The following NPEPPS variants were observed in gnomAD, a reference collection of about 807,000 sequenced individuals.
NPEPPS encodes puromycin-sensitive aminopeptidase.
Under a neutral mutation model 115.5 loss-of-function variants are expected in NPEPPS, and 14 were observed. The observed-to-expected ratio is 0.12, with a 90% CI of 0.08 to 0.19. The LOEUF is 0.19. Ranked by LOEUF, NPEPPS falls within the 10% of genes least tolerant of loss-of-function variation. NPEPPS has a pLI of 1.00. For missense variants in NPEPPS, 523 were observed against 1,110.8 expected, an observed-to-expected ratio of 0.47 and a Z score of 7.52; for synonymous variants, 285 against 390.6, an observed-to-expected ratio of 0.73 and a Z score of 3.19.
At position 47,536,887 on chromosome 17, in the gene NPEPPS, A is replaced by G. The variant is rs536131582; in HGVS notation, c.255+5332A>G. On this transcript the variant is annotated intron_variant, in intron 1 of 22. Coordinates refer to ENST00000322157, the MANE Select transcript of NPEPPS (RefSeq NM_006310.4). ...CCACCAAGCCCAGCTAATTTTTTGTATTTTTAGTAGAGAGATGGTTTCATC... is the reference window on the plus strand; with the variant it reads ...CCACCAAGCCCAGCTAATTTTTTGTGTTTTTAGTAGAGAGATGGTTTCATC... Among the ~76,000 whole-genome samples, 12 of 149,672 alleles carry G rather than the reference A, an allele frequency of 8.0e-5. No homozygotes were observed. The South Asian group carries it at 2.3e-3, about 29-fold the overall frequency.
At chr17:47,552,768 A>G (rs1189350037) in intron 2 of NPEPPS, among the ~76,000 whole-genome samples, 1 of 152,306 alleles carries the variant, frequency 6.6e-6, no homozygotes, top group South Asian at 2.1e-4. Flanking sequence ...TGCCTAACCA[A>G]GTGAAACATT....
intron 3 of NPEPPS, among the ~76,000 whole-genome samples, chr17:47,576,344 TAGTC>T (rs1278317633): frequency 6.6e-6 from 1 of 152,068 alleles, no homozygotes; most frequent in African/African-American, 2.4e-5. Context: ...AAACAAAAAT[TAGTC>T]AGGCCTGGTG....
chr17:47,547,642 G>A (rs1027452139), intron 2 of NPEPPS, among the ~76,000 whole-genome samples: 6 of 152,106 alleles, frequency 3.9e-5, no homozygotes, highest in Non-Finnish European at 8.8e-5. Flanking sequence ...TACAGCAAGA[G>A]CCACCACACC....
chr17:47,529,763 A>G (rs1907600941), upstream of NPEPPS, among the ~76,000 whole-genome samples: 1 of 68,114 alleles, frequency 1.5e-5, no homozygotes, highest in African/African-American at 4.3e-5. Context: ...ATATATATAT[A>G]TATGCATTTG....
intron 15 of NPEPPS, chr17:47,601,972 AG>A: frequency 6.3e-6 from 3 of 474,694 alleles, no homozygotes; most frequent in African/African-American, 2.1e-5. Flanking sequence ...AAGGAGGAGA[AG>A]AAAAAAAAAA....
chr17:47,562,306 C>G (rs1450907618), intron 2 of NPEPPS, among the ~76,000 whole-genome samples: 1 of 152,200 alleles, frequency 6.6e-6, no homozygotes, highest in African/African-American at 2.4e-5. Flanking sequence ...AGCCCTCTCT[C>G]AGCCTGTGGG....
At chr17:47,602,909 TATAA>T (rs1331262393) in intron 15 of NPEPPS, among the ~76,000 whole-genome samples, 1 of 152,066 alleles carries the variant, frequency 6.6e-6, no homozygotes, top group Non-Finnish European at 1.5e-5. Context: ...AAAAATTTCT[TATAA>T]ATGAGAAAAA....
intron 16 of NPEPPS, among the ~76,000 whole-genome samples, chr17:47,604,805 CTG>C (rs750026775): frequency 3.9e-5 from 6 of 152,196 alleles, no homozygotes; most frequent in Non-Finnish European, 5.9e-5. Flanking sequence ...TTTCCTAACT[CTG>C]TTAGTTCTGA....
At position 47,550,329 on chromosome 17, in the gene NPEPPS, GTT is replaced by G. The variant is rs1198481590; in HGVS notation, c.340+4351_340+4352del. On this transcript the variant is annotated intron_variant, in intron 2 of 22. Coordinates refer to ENST00000322157, the MANE Select transcript of NPEPPS (RefSeq NM_006310.4). ...TTGAAAGACCTATGGGCATGTGTGT[GTT>G]TTTTTTTTTTTTTTGAGATGGAGTC... Among the ~76,000 whole-genome samples, 7 of 95,802 alleles carry G rather than the reference GTT, an allele frequency of 7.3e-5. No individual in the cohort carries two copies. The East Asian group carries it at 8.9e-4, about 12-fold the overall frequency. The allele number at this position is 95,802 out of a possible 152,430, so 62.8% of individuals were successfully genotyped here.
intron 20 of NPEPPS, 136 bp from the exon 21 acceptor site, chr17:47,618,873 T>C (rs752364902): frequency 8.8e-5 from 69 of 781,036 alleles, no homozygotes; most frequent in Non-Finnish European, 1.1e-4. Flanking sequence ...TGCTGAGAAC[T>C]TCTGGTTCCA....
intron 14 of NPEPPS, 108 bp downstream of exon 14, chr17:47,599,847 T>A: frequency 1.1e-6 from 1 of 893,554 alleles, no homozygotes; most frequent in Admixed American, 2.3e-5. Context: ...TTGAGGAGTC[T>A]CACTCTGTCG....
intron 12 of NPEPPS, among the ~76,000 whole-genome samples, chr17:47,594,409 ATTCT>A (rs1334784012): frequency 7.4e-6 from 1 of 135,092 alleles, no homozygotes; most frequent in Non-Finnish European, 1.6e-5. Flanking sequence ...ATTCTTTTCA[ATTCT>A]TTTTTTTTTT....
At chr17:47,540,745 A>G (rs1009066660) in intron 1 of NPEPPS, among the ~76,000 whole-genome samples, 15 of 152,364 alleles carry the variant, frequency 9.8e-5, no homozygotes, top group South Asian at 6.2e-4. Context: ...ATGTCTTAAC[A>G]TCTATTAAGT....
At chr17:47,565,674 G>A (rs1910764853) in intron 2 of NPEPPS, among the ~76,000 whole-genome samples, 1 of 151,918 alleles carries the variant, frequency 6.6e-6, no homozygotes, top group South Asian at 2.1e-4. Flanking sequence ...ACAAAAATTA[G>A]TCGGGTGTGG....
At chr17:47,616,406 A>G (rs1914200757) in intron 19 of NPEPPS, among the ~76,000 whole-genome samples, 1 of 152,062 alleles carries the variant, frequency 6.6e-6, no homozygotes, top group African/African-American at 2.4e-5. Flanking sequence ...AAATTAGGCC[A>G]GGCGCGGTGG....
At position 47,622,739 on chromosome 17, in the gene NPEPPS, A is replaced by G. The variant is rs1914662861; in HGVS notation, c.*819A>G. ...ATTTTTTTCTTTTTAAAGATGACTT[A>G]TAAGAACCCTGAAATTTATATAGGT... On this transcript the variant is annotated 3_prime_UTR_variant, in exon 23 of 23. Coordinates refer to ENST00000322157, the MANE Select transcript of NPEPPS (RefSeq NM_006310.4). The G allele has an allele frequency of 5.0e-6, 2 of 400,868 alleles. No individual in the cohort carries two copies. The highest frequency in any genetic ancestry group is 3.8e-5 in the Admixed American group (1 of 26,364). 24.8% of individuals were successfully genotyped at this position (400,868 alleles called of 1,614,324 possible).
At chr17:47,549,844 A>ATG (rs976455666) in intron 2 of NPEPPS, among the ~76,000 whole-genome samples, 5 of 149,570 alleles carry the variant, frequency 3.3e-5, no homozygotes, top group African/African-American at 7.3e-5. Flanking sequence ...TTCCACATGT[A>ATG]TGTGTATATA....
At chr17:47,573,148 T>C (rs547377117) in intron 3 of NPEPPS, among the ~76,000 whole-genome samples, 26 of 152,258 alleles carry the variant, frequency 1.7e-4, no homozygotes, top group Admixed American at 1.2e-3. Context: ...TTTGCAAAGG[T>C]ACACCATTGA....
Position 47,613,668 on chromosome 17 carries a change from G to A in NPEPPS, c.2239-1G>A. ...AATGACTTATTTTTTGTCCCTTGTA[G>A]GTCTATCTGACTGTTTTGAAGCATG... is the stretch of plus-strand genomic sequence containing the variant. On this transcript the variant is annotated splice_acceptor_variant, in intron 18 of 22. Coordinates refer to ENST00000322157, the MANE Select transcript of NPEPPS (RefSeq NM_006310.4). LOFTEE classifies it high-confidence loss of function. 1 of 1,608,544 alleles carries A rather than the reference G, an allele frequency of 6.2e-7. No individual in the cohort carries two copies. The highest frequency in any genetic ancestry group is 8.5e-7 in the Non-Finnish European group (1 of 1,176,612).
Sources: allele counts gnomAD v4.1 joint callset (sites outside exome capture counted in the v4.1 genomes callset), GRCh38; gene constraint gnomAD v4.1.1; transcripts MANE v1.5; gene names NCBI Gene and HGNC (gene_info 2026-07-23, HGNC 2026-07-21).